The following SF3A2 variants were observed in gnomAD, a reference collection of about 807,000 sequenced individuals.
SF3A2 encodes SAP 62.
A neutral mutation model predicts 31.1 loss-of-function variants in SF3A2; 5 were observed. The ratio of observed to expected loss-of-function variants is 0.16; its 90% CI spans 0.08 to 0.34. The LOEUF (loss-of-function observed/expected upper bound fraction) is 0.34, where lower values mean the gene tolerates loss of function less well. SF3A2 is among the 10% of genes least tolerant of loss of function. SF3A2 has a pLI of 1.00. For synonymous variants in SF3A2, 365 were observed against 263.7 expected (o/e 1.38, Z -3.72); for missense variants, 577 against 643.9 (o/e 0.90, Z 1.13).
At chr19:2,243,010 G>A (rs2024904072) in intron 1 of SF3A2, among the ~76,000 whole-genome samples, 2 of 152,188 alleles carry the variant, frequency 1.3e-5, no homozygotes, top group South Asian at 4.1e-4. Flanking sequence ...TGGCTTCCTG[G>A]AGGTGGTGAC....
rs1246245485 is a variant in SF3A2, at chr19:2,240,722, A to T, written c.-37-2660A>T. Reference sequence around the variant, plus strand: ...CTCTTGGCTTTGTTAGCATTTTGCCATCTAAGTTCCTTCTCCAAGTCCTCC... The same window carrying T: ...CTCTTGGCTTTGTTAGCATTTTGCCTTCTAAGTTCCTTCTCCAAGTCCTCC... On this transcript the variant is annotated intron_variant, in intron 1 of 8. Coordinates refer to ENST00000221494, the MANE Select transcript of SF3A2 (RefSeq NM_007165.5). Among the ~76,000 whole-genome samples, 3 of 152,356 alleles carry T rather than the reference A, an allele frequency of 2.0e-5. No homozygotes were observed. The East Asian group carries it at 5.8e-4, about 29-fold the overall frequency.
chr19:2,242,185 C>A (rs1020860874), intron 1 of SF3A2, among the ~76,000 whole-genome samples: 22 of 150,410 alleles, frequency 1.5e-4, no homozygotes, highest in African/African-American at 5.0e-4. Context: ...ACACCTGCGG[C>A]CACTGTGCCC....
rs564989613 is a variant in SF3A2, at chr19:2,248,540, CAACT to C, written c.1390_1393del (p.Asn464GlufsTer20). 1,054 of 1,096,294 alleles carry C rather than the reference CAACT, an allele frequency of 9.6e-4. 6 individuals are homozygous for C. The African/African-American group carries it at 0.01, about 11-fold the overall frequency. The allele number at this position is 1,096,294 out of a possible 1,614,324, so 67.9% of individuals were successfully genotyped here. A position where few individuals can be genotyped will look rare whatever the true frequency, so the allele number is the denominator to read the frequency against. On this transcript the variant is annotated frameshift_variant and stop_lost, in exon 9 of 9. Transcript: ENST00000221494. LOFTEE classifies it high-confidence loss of function. ...GGAACATACCTCCCCCTCCCCCAACCAACTGAGAAGCTGCTCCCTCCCCCAGCAA... is the reference window on the plus strand; with the variant it reads ...GGAACATACCTCCCCCTCCCCCAACCGAGAAGCTGCTCCCTCCCCCAGCAA...
chr19:2,247,659 G>A lies in SF3A2; in HGVS notation c.612G>A (p.Lys204=). ...GGACACACTGGAACCGGGAGACCAA[G>A]CAGGTGAGTGGCTCGCCCCGAGCCT... ...KFWTHWNRET[K]QFFLQFHFKM... The change falls in exon 8 of 9, where the codon AAG becomes AAA. Residue 204 remains lysine, a synonymous_variant. Coordinates refer to ENST00000221494, the MANE Select transcript of SF3A2 (RefSeq NM_007165.5). 3.1e-6 allele frequency: 5 copies of A among 1,613,334 alleles called. No individual in the cohort carries two copies. Among genetic ancestry groups the A allele is most frequent in the Non-Finnish European group, 4.2e-6 (5 of 1,179,736 alleles).
rs373814159 is a variant in SF3A2, at chr19:2,244,585, C to T, written c.168C>T (p.Cys56=). Residue 56 remains cysteine, a synonymous_variant, in exon 3 of 9, where the codon TGC becomes TGT. Coordinates refer to ENST00000221494, the MANE Select transcript of SF3A2 (RefSeq NM_007165.5). ...AGAACCACCTGGGCTCCTATGAATG[C>T]AAACTCTGCCTGACACTTCACAACA... ...FMKNHLGSYE[C]KLCLTLHNNE... is the part of the protein sequence containing the mutation. The T allele has an allele frequency of 1.1e-4, 178 of 1,614,162 alleles. No individual in the cohort carries two copies. In the Middle Eastern group the frequency reaches 2.1e-3, roughly 19 times the overall value.
intron 1 of SF3A2, among the ~76,000 whole-genome samples, chr19:2,240,014 C>T (rs1048771982): frequency 6.6e-6 from 1 of 152,230 alleles, no homozygotes; most frequent in African/African-American, 2.4e-5. Context: ...TCTTTAAGAA[C>T]AAAGCGGCCG....
In SF3A2 at chr19:2,248,119, A is replaced by G; in HGVS notation, c.968A>G (p.His323Arg). The G allele has an allele frequency of 7.7e-7, 1 of 1,291,062 alleles. No individual in the cohort carries two copies. Among genetic ancestry groups the G allele is most frequent in the Non-Finnish European group, 1.1e-6 (1 of 929,886 alleles). 80.0% of individuals were successfully genotyped at this position (1,291,062 alleles called of 1,614,324 possible). A position where few individuals can be genotyped will look rare whatever the true frequency, so the allele number is the denominator to read the frequency against. ...GTCCATCCCCCAGCCCCTGGGGTCC[A>G]CCCACCAACCTCTGGGGTCCACCCC... Reference protein sequence around the residue: ...PGVHPPAPGVHPPTSGVHPPA... With the variant: ...PGVHPPAPGVRPPTSGVHPPA... Residue 323 changes from histidine to arginine, a missense_variant, in exon 9 of 9, where the codon CAC becomes CGC. This residue lies in a region of SF3A2 where 462 missense variants were observed against 339.1 expected (regional missense o/e 1.36). Transcript: ENST00000221494.
chr19:2,247,573 C>G, intron 7 of SF3A2, 21 bp from the exon 8 acceptor site: 1 of 1,612,734 alleles, frequency 6.2e-7, no homozygotes, highest in South Asian at 1.1e-5. Context: ...CAGGAGCCCT[C>G]TCTGTCCCCC....
rs114803307 is a variant in SF3A2 at position 2,241,120 on chromosome 19, A to G, written c.-37-2262A>G. ...TCCAGGAGAGGCCACGACAGGGACA[A>G]GCAGGGCGTTCGCATGCTGTTGAAT... On this transcript the variant is annotated intron_variant, in intron 1 of 8. Transcript: ENST00000221494. Among the ~76,000 whole-genome samples the G allele has an allele frequency of 8.1e-3, 1,228 of 152,274 alleles. 19 individuals carry two copies. Among genetic ancestry groups the G allele is most frequent in the African/African-American group, 0.028 (1,171 of 41,550 alleles).
chr19:2,244,694 G>A (rs762072732), intron 3 of SF3A2, 39 bp from the exon 4 acceptor site: 21 of 1,613,060 alleles, frequency 1.3e-5, no homozygotes, highest in African/African-American at 5.3e-5. Flanking sequence ...GTGTCTGTCC[G>A]CCCGGCCTCG....
At chr19:2,247,735 C>T (rs530206067) in intron 8 of SF3A2, 32 bp from the exon 9 acceptor site, 7 of 1,611,564 alleles carry the variant, frequency 4.3e-6, no homozygotes, top group Admixed American at 1.7e-5. Context: ...TAGCCCCACC[C>T]GTGCCTGCTG....
intron 7 of SF3A2, 87 bp downstream of exon 7, chr19:2,247,109 C>T (rs1362582767): frequency 1.9e-5 from 29 of 1,538,364 alleles, no homozygotes; most frequent in East Asian, 4.7e-5. Context: ...CCCCTCCCAT[C>T]GGGCTTGGGG....
chr19:2,245,181 T>C lies in SF3A2; in HGVS notation c.246-265T>C, dbSNP rs2145013679. 3 of 496,146 alleles carry C rather than the reference T, an allele frequency of 6.0e-6. No individual in the cohort carries two copies. The highest frequency in any genetic ancestry group is 3.2e-5 in the East Asian group (1 of 31,414). 30.7% of individuals were successfully genotyped at this position (496,146 alleles called of 1,614,324 possible). On this transcript the variant is annotated intron_variant, in intron 4 of 8. Transcript: ENST00000221494. This position sits in a 1 kb window ranked among gnomAD's most constrained non-coding sequence, Gnocchi z 4.2. ...CCTGGGCGACAGAGTGAGACTCTTG[T>C]CTTATTAAAAAAAAAAAAAAAGAGC...
In SF3A2 at chr19:2,245,418, C is replaced by T; in HGVS notation, c.246-28C>T. On this transcript the variant is annotated intron_variant, in intron 4 of 8. Transcript: ENST00000221494. The surrounding 1 kb of genome is among the most constrained non-coding windows in gnomAD (Gnocchi z 4.2). The stretch of plus-strand genomic sequence containing the variant: ...CTTTGGTGCCTGTGTGTGGAGGGGT[C>T]CCAGCAGCACCTCCATCCTGTCCGC... 6.6e-7 allele frequency: 1 copy of T among 1,516,114 alleles called. No homozygotes were observed. Among genetic ancestry groups the T allele is most frequent in the Non-Finnish European group, 9.0e-7 (1 of 1,117,182 alleles). The allele number at this position is 1,516,114 out of a possible 1,614,324, so 93.9% of individuals were successfully genotyped here.
At chr19:2,241,631 C>T (rs1439753547) in intron 1 of SF3A2, among the ~76,000 whole-genome samples, 2 of 152,154 alleles carry the variant, frequency 1.3e-5, no homozygotes, top group Non-Finnish European at 1.5e-5. Flanking sequence ...CAGCTGACGG[C>T]GCCAGCATGG....
In SF3A2 at chr19:2,247,917, C is replaced by A; in HGVS notation, c.766C>A (p.Pro256Thr). The change falls in exon 9 of 9, where the codon CCA becomes ACA. Residue 256 changes from proline to threonine, a missense_variant. Pro to Thr is a conservative substitution (Grantham distance 38). This residue lies in a region of SF3A2 where 462 missense variants were observed against 339.1 expected (regional missense o/e 1.36). Transcript: ENST00000221494. ...PLPESLPPPP[P>T]GGLPLPPMPP... ...GCCTGAGTCTTTGCCACCGCCCCCG[C>A]CAGGAGGCCTGCCTCTGCCACCCAT... 6.4e-7 allele frequency: 1 copy of A among 1,570,166 alleles called. No individual in the cohort carries two copies.
chr19:2,243,283 G>A, intron 1 of SF3A2, 99 bp from the exon 2 acceptor site: 1 of 955,198 alleles, frequency 1.0e-6, no homozygotes, highest in Non-Finnish European at 1.5e-6. Context: ...GCAGGGTGAG[G>A]GGCAGTCTCG....
At position 2,243,401 on chromosome 19, in the gene SF3A2, A is replaced by C. The variant is rs748193974; in HGVS notation, c.-18A>C. On this transcript the variant is annotated 5_prime_UTR_variant, in exon 2 of 9. Transcript: ENST00000221494. Reference sequence around the variant, plus strand: ...CCACAGGTGTCTCCCAGTCTGCTAAAGCCCTAAGGCCATCACCATGGACTT... The same window carrying C: ...CCACAGGTGTCTCCCAGTCTGCTAACGCCCTAAGGCCATCACCATGGACTT... The C allele has an allele frequency of 1.3e-6, 2 of 1,517,942 alleles. No individual in the cohort carries two copies. Among genetic ancestry groups the C allele is most frequent in the Non-Finnish European group, 1.8e-6 (2 of 1,139,060 alleles). The allele number at this position is 1,517,942 out of a possible 1,614,324, so 94.0% of individuals were successfully genotyped here.
At chr19:2,239,672 GATA>G (rs1236535069) in intron 1 of SF3A2, among the ~76,000 whole-genome samples, 1 of 152,016 alleles carries the variant, frequency 6.6e-6, no homozygotes, top group African/African-American at 2.4e-5. Flanking sequence ...TTATTTCTGT[GATA>G]ATATTTTTCC....
Sources: allele counts gnomAD v4.1 joint callset (sites outside exome capture counted in the v4.1 genomes callset), GRCh38; gene constraint gnomAD v4.1.1; regional missense constraint gnomAD v4.1.1; non-coding constraint Gnocchi (gnomAD v3.1); transcripts MANE v1.5; gene names NCBI Gene and HGNC (gene_info 2026-07-23, HGNC 2026-07-21).